POC1A: variants seen among roughly 807,000 people sequenced by gnomAD.
POC1A encodes the protein POC1 centriolar protein A, also known as POC1 centriolar protein homolog A.
Under a neutral mutation model 47.8 loss-of-function variants are expected in POC1A, and 34 were observed. That is an observed-to-expected ratio of 0.71 (90% CI 0.54 to 0.95). The LOEUF (loss-of-function observed/expected upper bound fraction) is 0.95, where lower values mean the gene tolerates loss of function less well. Among genes scored for constraint, POC1A ranks in the 40% least tolerant of loss-of-function variants. POC1A has a pLI of 0.00. For synonymous variants in POC1A, 177 were observed against 207.6 expected (o/e 0.85, Z 1.27); for missense variants, 466 against 528.3 (o/e 0.88, Z 1.16).
chr3:52,109,165 C>T (rs1232633481), intron 9 of POC1A, among the ~76,000 whole-genome samples: 1 of 152,184 alleles, frequency 6.6e-6, no homozygotes, highest in African/African-American at 2.4e-5. Flanking sequence ...CTTATTTGAA[C>T]AATGACACAA....
At chr3:52,143,224 C>T (rs559758884) in intron 6 of POC1A, among the ~76,000 whole-genome samples, 1 of 152,044 alleles carries the variant, frequency 6.6e-6, no homozygotes, top group South Asian at 2.1e-4. Context: ...CCCAGCAGGG[C>T]CTGTCAGCCC....
intron 6 of POC1A, among the ~76,000 whole-genome samples, chr3:52,140,387 G>A (rs1244004686): frequency 6.6e-6 from 1 of 152,182 alleles, no homozygotes; most frequent in East Asian, 1.9e-4. Flanking sequence ...TCTGCACTGG[G>A]ATGAAGGCCA....
chr3:52,117,949 G>C (rs1224327044), intron 9 of POC1A, among the ~76,000 whole-genome samples: 4 of 152,212 alleles, frequency 2.6e-5, no homozygotes, highest in Non-Finnish European at 5.9e-5. Flanking sequence ...CAAGATACAG[G>C]GGTCTTTATG....
intron 10 of POC1A, among the ~76,000 whole-genome samples, chr3:52,095,901 G>A (rs1702797758): frequency 1.3e-5 from 2 of 152,366 alleles, no homozygotes; most frequent in East Asian, 1.9e-4. Context: ...TACACTACGA[G>A]CCTGTGTTAT....
intron 9 of POC1A, among the ~76,000 whole-genome samples, chr3:52,106,521 A>C (rs1703190324): frequency 6.6e-6 from 1 of 152,224 alleles, no homozygotes. Flanking sequence ...TAAATAAATA[A>C]ATAAAATAAA....
Position 52,148,890 on chromosome 3 carries a change from C to T in POC1A, c.455+320G>A, listed in dbSNP as rs115196843. 5.7e-3 allele frequency among the ~76,000 whole-genome samples: 875 copies of T among 152,304 alleles called. 14 individuals carry two copies. Among genetic ancestry groups the T allele is most frequent in the African/African-American group, 0.02 (847 of 41,546 alleles). On this transcript the variant is annotated intron_variant, in intron 4 of 10. Coordinates refer to ENST00000296484, the MANE Select transcript of POC1A (RefSeq NM_015426.5). Reference sequence around the variant, plus strand: ...AAAAAGAAAATGTGTAATGGTAGTACTGAAAGTACCTAATTGTTTTTGATA... The same window carrying T: ...AAAAAGAAAATGTGTAATGGTAGTATTGAAAGTACCTAATTGTTTTTGATA...
At chr3:52,082,093 G>T (rs1426258595) in intron 10 of POC1A, among the ~76,000 whole-genome samples, 1 of 152,044 alleles carries the variant, frequency 6.6e-6, no homozygotes, top group Non-Finnish European at 1.5e-5. Context: ...GGTCTGAGAA[G>T]CCTGAGCCAG....
At chr3:52,086,679 C>T (rs1702465602) in intron 10 of POC1A, among the ~76,000 whole-genome samples, 1 of 152,232 alleles carries the variant, frequency 6.6e-6, no homozygotes, top group Non-Finnish European at 1.5e-5. Flanking sequence ...GGGCCTGCAG[C>T]ACCTTCACAC....
Position 52,096,628 on chromosome 3 carries a change from G to T in POC1A, c.1066C>A (p.Pro356Thr). 1 of 1,612,766 alleles carries T rather than the reference G, an allele frequency of 6.2e-7. No homozygotes were observed. Among genetic ancestry groups the T allele is most frequent in the East Asian group, 2.2e-5 (1 of 44,686 alleles). ...QSQPQEPVSV[P>T]QTLTSTLEHI... ...TCCAGCGTGCTAGTCAGTGTCTGGG[G>T]CACACTCACGGGCTCCTGGGGCTGG... The change falls in exon 10 of 11, where the codon CCC becomes ACC. Residue 356 changes from proline (P) to threonine (T), a missense_variant. Pro to Thr is a conservative substitution (Grantham distance 38). Transcript: ENST00000296484.
intron 6 of POC1A, among the ~76,000 whole-genome samples, chr3:52,144,846 G>C (rs1052752950): frequency 1.2e-4 from 19 of 152,238 alleles, no homozygotes; most frequent in African/African-American, 4.3e-4. Context: ...TTGAACACCA[G>C]GAGTCAGCTA....
At chr3:52,154,240 C>A in intron 1 of POC1A, 115 bp downstream of exon 1, 1 of 1,168,580 alleles carries the variant, frequency 8.6e-7, no homozygotes, top group South Asian at 1.4e-5. Context: ...CTGAAGAGGA[C>A]CACCCTGGAA....
Position 52,108,617 on chromosome 3 carries a change from G to A in POC1A, c.982-11905C>T, listed in dbSNP as rs188597841. Among the ~76,000 whole-genome samples, 138 of 152,214 alleles carry A rather than the reference G, an allele frequency of 9.1e-4. 1 individual carries two copies. The highest frequency in any genetic ancestry group is 3.1e-3 in the African/African-American group (129 of 41,534). On this transcript the variant is annotated intron_variant, in intron 9 of 10. Transcript: ENST00000296484. ...TACTTTGTGCAGCATCACAGGACAC[G>A]AGCAAAGCCTGCCAAGATAGATAAC... is the stretch of plus-strand genomic sequence containing the variant.
At chr3:52,129,209 G>A (rs1412609167) in intron 7 of POC1A, among the ~76,000 whole-genome samples, 2 of 152,254 alleles carry the variant, frequency 1.3e-5, no homozygotes, top group East Asian at 3.9e-4. Flanking sequence ...AACCCAGGAG[G>A]TGGAGGTTGC....
chr3:52,115,717 G>A (rs983532152), intron 9 of POC1A, among the ~76,000 whole-genome samples: 1 of 152,132 alleles, frequency 6.6e-6, no homozygotes, highest in African/African-American at 2.4e-5. Flanking sequence ...CAGTGAGAAG[G>A]AGCCATCTAT....
At chr3:52,087,005 A>G (rs928708208) in intron 10 of POC1A, among the ~76,000 whole-genome samples, 2 of 152,216 alleles carry the variant, frequency 1.3e-5, no homozygotes, top group African/African-American at 4.8e-5. Context: ...GCCAAAGGGC[A>G]GGTCTAATCT....
intron 10 of POC1A, 54 bp from the exon 11 acceptor site, chr3:52,076,039 T>G: frequency 2.1e-6 from 3 of 1,416,318 alleles, no homozygotes; most frequent in South Asian, 2.3e-5. Flanking sequence ...CAGGCTGCTC[T>G]AGGGACCCCC....
intron 10 of POC1A, among the ~76,000 whole-genome samples, chr3:52,091,839 G>A (rs1311067177): frequency 1.3e-5 from 2 of 152,162 alleles, no homozygotes; most frequent in Non-Finnish European, 1.5e-5. Context: ...ACCAAGAGCC[G>A]CACAGCAGAG....
At chr3:52,122,008 C>T (rs991108512) in intron 9 of POC1A, among the ~76,000 whole-genome samples, 1 of 152,138 alleles carries the variant, frequency 6.6e-6, no homozygotes, top group Non-Finnish European at 1.5e-5. Context: ...GGCTTCAGGC[C>T]CTGAACCCTC....
chr3:52,145,522 G>A (rs1698334126), intron 6 of POC1A, among the ~76,000 whole-genome samples: 1 of 152,172 alleles, frequency 6.6e-6, no homozygotes, highest in African/African-American at 2.4e-5. Flanking sequence ...CTGAGAAGTG[G>A]TCCTCAAGGG....
Sources: allele counts gnomAD v4.1 joint callset (sites outside exome capture counted in the v4.1 genomes callset), GRCh38; gene constraint gnomAD v4.1.1; transcripts MANE v1.5; gene names NCBI Gene and HGNC (gene_info 2026-07-23, HGNC 2026-07-21).